Variants in GRIN3A observed in about 807,000 individuals in gnomAD.
GRIN3A encodes the protein glutamate ionotropic receptor NMDA type subunit 3A, also known as glutamate receptor ionotropic, NMDA 3A.
A neutral mutation model predicts 92.4 loss-of-function variants in GRIN3A; 47 were observed. That is an observed-to-expected ratio of 0.51 (90% CI 0.40 to 0.65). The LOEUF is 0.65. Ranked by LOEUF, GRIN3A falls within the 30% of genes least tolerant of loss-of-function variation. The pLI is 0.00. For synonymous variants in GRIN3A, 527 were observed against 540.6 expected (o/e 0.97, Z 0.35); for missense variants, 1,324 against 1,393.1 (o/e 0.95, Z 0.79).
chr9:101,652,076 G>A lies in GRIN3A; in HGVS notation c.2352+17984C>T, dbSNP rs540806528. On this transcript the variant is annotated intron_variant, in intron 3 of 8. Coordinates refer to ENST00000361820, the MANE Select transcript of GRIN3A (RefSeq NM_133445.3). ...AGAACATTTAAACAGGTCAGCTACTGTGCTAAAAGGTTTTACATACATTAT... is the reference window on the plus strand; with the variant it reads ...AGAACATTTAAACAGGTCAGCTACTATGCTAAAAGGTTTTACATACATTAT... Among the ~76,000 whole-genome samples, 6 of 152,162 alleles carry A rather than the reference G, an allele frequency of 3.9e-5. No individual in the cohort carries two copies. The East Asian group carries it at 1.2e-3, about 30-fold the overall frequency.
At chr9:101,711,356 G>A (rs913992263) in intron 1 of GRIN3A, among the ~76,000 whole-genome samples, 1 of 152,194 alleles carries the variant, frequency 6.6e-6, no homozygotes, top group African/African-American at 2.4e-5. Flanking sequence ...AGGTCAGGGT[G>A]GGACGGTGGG....
rs28653048 is a variant in GRIN3A at position 101,623,121 on chromosome 9, A to G, written c.2614+197T>C. 9.2e-3 allele frequency among the ~76,000 whole-genome samples: 1,398 copies of G among 152,316 alleles called. 27 individuals are homozygous for G. The highest frequency in any genetic ancestry group is 0.032 in the African/African-American group (1,340 of 41,552). On this transcript the variant is annotated intron_variant, in intron 5 of 8. Coordinates refer to ENST00000361820, the MANE Select transcript of GRIN3A (RefSeq NM_133445.3). ...AATGATTTTTCCCCCTAAAAATTGGATAAGTAAATATTTGTTGAATAGGTG... is the reference window on the plus strand; with the variant it reads ...AATGATTTTTCCCCCTAAAAATTGGGTAAGTAAATATTTGTTGAATAGGTG...
At chr9:101,606,697 G>A (rs2118835166) in intron 6 of GRIN3A, among the ~76,000 whole-genome samples, 1 of 151,378 alleles carries the variant, frequency 6.6e-6, no homozygotes, top group South Asian at 2.1e-4. Flanking sequence ...GTTCCATTTG[G>A]TAAAAAGTGC....
intron 1 of GRIN3A, among the ~76,000 whole-genome samples, chr9:101,708,026 G>A (rs1484950140): frequency 1.3e-5 from 2 of 152,096 alleles, no homozygotes; most frequent in Non-Finnish European, 2.9e-5. Context: ...AAAGGTCTGT[G>A]GGGGGTAAGG....
intron 1 of GRIN3A, among the ~76,000 whole-genome samples, chr9:101,710,241 G>T (rs1829861828): frequency 6.6e-6 from 1 of 152,130 alleles, no homozygotes; most frequent in Non-Finnish European, 1.5e-5. Context: ...AAGGCTCTAA[G>T]TCTCAACTAT....
intron 4 of GRIN3A, among the ~76,000 whole-genome samples, chr9:101,625,251 G>A (rs1359993645): frequency 6.6e-6 from 1 of 152,086 alleles, no homozygotes; most frequent in Non-Finnish European, 1.5e-5. Context: ...TGTCCAAACA[G>A]CTTTGCAAAA....
At chr9:101,680,086 A>C (rs1029733503) in intron 2 of GRIN3A, among the ~76,000 whole-genome samples, 1 of 152,230 alleles carries the variant, frequency 6.6e-6, no homozygotes, top group African/African-American at 2.4e-5. Context: ...TAGCTGAATG[A>C]CCTTAGACAT....
chr9:101,674,900 A>G (rs1829374046), intron 2 of GRIN3A, among the ~76,000 whole-genome samples: 1 of 152,070 alleles, frequency 6.6e-6, no homozygotes, highest in Non-Finnish European at 1.5e-5. Context: ...TAGACTATGG[A>G]GGCCTCATGT....
chr9:101,669,345 G>A (rs1268123325), intron 3 of GRIN3A, among the ~76,000 whole-genome samples: 1 of 152,034 alleles, frequency 6.6e-6, no homozygotes, highest in African/African-American at 2.4e-5. Flanking sequence ...CTGTTTACCT[G>A]CACTCTACAC....
rs61141843 is a variant in GRIN3A, at chr9:101,617,205, TAAAAA to T, written c.2615-3683_2615-3679del. On this transcript the variant is annotated intron_variant, in intron 5 of 8. Transcript: ENST00000361820. ...ATGGGCGACAGAGCGAGACTCCGTC[TAAAAA>T]AAAAAAAAAAAAAAAAGAAAATTCA... Among the ~76,000 whole-genome samples, 156 of 107,142 alleles carry T rather than the reference TAAAAA, an allele frequency of 1.5e-3. 1 individual carries two copies. In the South Asian group the frequency reaches 0.023, roughly 16 times the overall value. The allele number at this position is 107,142 out of a possible 152,430, so 70.3% of individuals were successfully genotyped here.
rs926986363 is a variant in GRIN3A, at chr9:101,617,799, C to G, written c.2615-4272G>C. ...TCTCCCAATGTTATCCCTCCCCCCT[C>G]CCCCAACCCCACAACAGTCCCCAGA... is the stretch of plus-strand genomic sequence containing the variant. On this transcript the variant is annotated intron_variant, in intron 5 of 8. Transcript: ENST00000361820. 1.5e-3 allele frequency among the ~76,000 whole-genome samples: 199 copies of G among 132,198 alleles called. 1 individual carries two copies. The highest frequency in any genetic ancestry group is 5.6e-3 in the African/African-American group (190 of 33,916). 86.7% of individuals were successfully genotyped at this position (132,198 alleles called of 152,430 possible). A position where few individuals can be genotyped will look rare whatever the true frequency, so the allele number is the denominator to read the frequency against.
chr9:101,617,184 G>GCGA (rs1002593216), intron 5 of GRIN3A, among the ~76,000 whole-genome samples: 23 of 141,122 alleles, frequency 1.6e-4, no homozygotes, highest in Non-Finnish European at 2.6e-4. Flanking sequence ...TCCGGCATGG[G>GCGA]CGACAGAGCG....
intron 3 of GRIN3A, among the ~76,000 whole-genome samples, chr9:101,659,303 TAC>T (rs1270978992): frequency 1.3e-5 from 2 of 151,590 alleles, no homozygotes; most frequent in Non-Finnish European, 2.9e-5. Context: ...TGTATATAAA[TAC>T]ACACATAAAT....
intron 6 of GRIN3A, among the ~76,000 whole-genome samples, chr9:101,589,592 T>G (rs1377267212): frequency 6.6e-6 from 1 of 152,206 alleles, no homozygotes; most frequent in East Asian, 1.9e-4. Context: ...TTTGCATATT[T>G]ATTTATGCAT....
chr9:101,709,838 CT>C (rs1729242354), intron 1 of GRIN3A, among the ~76,000 whole-genome samples: 1 of 152,258 alleles, frequency 6.6e-6, no homozygotes, highest in South Asian at 2.1e-4. Flanking sequence ...GTGAAACACT[CT>C]AGCCTGACTC....
chr9:101,631,115 G>A (rs534699157), intron 3 of GRIN3A, among the ~76,000 whole-genome samples: 55 of 150,568 alleles, frequency 3.7e-4, no homozygotes, highest in African/African-American at 1.3e-3. Context: ...ATGTAATCAT[G>A]TGATTAGCGT....
chr9:101,686,536 G>A, intron 2 of GRIN3A, 60 bp downstream of exon 2: 1 of 1,579,434 alleles, frequency 6.3e-7, no homozygotes, highest in Non-Finnish European at 8.7e-7. Flanking sequence ...ACAGATAGGG[G>A]AATTTTACTC....
intron 6 of GRIN3A, among the ~76,000 whole-genome samples, chr9:101,612,154 T>C (rs1339506309): frequency 6.6e-6 from 1 of 152,210 alleles, no homozygotes; most frequent in East Asian, 1.9e-4. Flanking sequence ...AGCAGAGAAC[T>C]AGTTAGGAGA....
At chr9:101,665,667 G>A (rs923171434) in intron 3 of GRIN3A, among the ~76,000 whole-genome samples, 2 of 151,642 alleles carry the variant, frequency 1.3e-5, no homozygotes, top group Non-Finnish European at 2.9e-5. Flanking sequence ...TTCGGCTTAC[G>A]GCAGAAAAAC....
Sources: gnomAD v4.1 joint callset for allele counts (sites outside exome capture counted in the v4.1 genomes callset) on GRCh38, gnomAD v4.1.1 for gene constraint, MANE v1.5 for transcripts, NCBI Gene and HGNC (gene_info 2026-07-23, HGNC 2026-07-21) for gene names.